KCNIP1: variants seen among roughly 807,000 people sequenced by gnomAD.
KCNIP1 encodes A-type potassium channel modulatory protein KCNIP1.
In KCNIP1, 18 loss-of-function variants were observed where a neutral mutation model predicts 33.0. That is an observed-to-expected ratio of 0.55 (90% CI 0.38 to 0.81). KCNIP1 has a LOEUF of 0.81. Ranked by LOEUF, KCNIP1 falls within the 30% of genes least tolerant of loss-of-function variation. KCNIP1 has a pLI of 0.00. For synonymous variants in KCNIP1, 93 were observed against 98.3 expected (o/e 0.95, Z 0.32); for missense variants, 238 against 271.6 (o/e 0.88, Z 0.87).
At chr5:170,554,715 G>C (rs1292380139) in intron 1 of KCNIP1, among the ~76,000 whole-genome samples, 1 of 152,178 alleles carries the variant, frequency 6.6e-6, no homozygotes, top group Non-Finnish European at 1.5e-5. Flanking sequence ...TTCTTTTTAT[G>C]CTCCATGTAA....
intron 1 of KCNIP1, among the ~76,000 whole-genome samples, chr5:170,701,175 C>T (rs1383700343): frequency 6.6e-6 from 1 of 152,208 alleles, no homozygotes; most frequent in Non-Finnish European, 1.5e-5. Flanking sequence ...AAGATATTAT[C>T]CTTATAGGCG....
chr5:170,402,372 C>T (rs144071301), intron 1 of KCNIP1, among the ~76,000 whole-genome samples: 24 of 152,160 alleles, frequency 1.6e-4, no homozygotes, highest in Middle Eastern at 3.4e-3. Flanking sequence ...GACTAACTGC[C>T]GCAACCACCC....
At chr5:170,692,294 C>G (rs915561122) in intron 1 of KCNIP1, among the ~76,000 whole-genome samples, 2 of 152,128 alleles carry the variant, frequency 1.3e-5, no homozygotes, top group Non-Finnish European at 2.9e-5. Context: ...CCTGGAAGAT[C>G]CCCTCCTCTG....
At chr5:170,472,573 C>T (rs1370270252) in intron 1 of KCNIP1, among the ~76,000 whole-genome samples, 3 of 149,030 alleles carry the variant, frequency 2.0e-5, no homozygotes, top group East Asian at 4.0e-4. Flanking sequence ...TTTTATCCCT[C>T]GCCCCCCTCC....
chr5:170,373,750 A>G lies in KCNIP1; in HGVS notation c.88+19786A>G, dbSNP rs536148817. On this transcript the variant is annotated intron_variant, in intron 1 of 7. Coordinates refer to the KCNIP1 transcript ENST00000377360. ...AGACTGTTTTAACAATGCATGTTAC[A>G]TGACCTCTGGAACATTCCATTGCAC... Among the ~76,000 whole-genome samples, 9 of 152,350 alleles carry G rather than the reference A, an allele frequency of 5.9e-5. No homozygotes were observed. In the South Asian group the frequency reaches 1.9e-3, roughly 32 times the overall value.
chr5:170,719,012 G>A lies in KCNIP1; in HGVS notation c.186+130G>A, dbSNP rs1763727406. 8.3e-6 allele frequency: 10 copies of A among 1,198,136 alleles called. No individual in the cohort carries two copies. In the South Asian group the frequency reaches 1.2e-4, roughly 14 times the overall value. The allele number at this position is 1,198,136 out of a possible 1,614,324, so 74.2% of individuals were successfully genotyped here. A position where few individuals can be genotyped will look rare whatever the true frequency, so the allele number is the denominator to read the frequency against. The stretch of plus-strand genomic sequence containing the variant: ...GTACAAGGAAGGCCAGCTCTATAAA[G>A]GGGGCATGAGAGGGAGATCACCTGG... On this transcript the variant is annotated intron_variant, in intron 2 of 7. Coordinates refer to ENST00000328939, the MANE Select transcript of KCNIP1 (RefSeq NM_014592.4).
At chr5:170,623,182 C>T (rs910218959) in intron 1 of KCNIP1, among the ~76,000 whole-genome samples, 4 of 151,590 alleles carry the variant, frequency 2.6e-5, no homozygotes, top group Admixed American at 6.6e-5. Context: ...CAGACCCATC[C>T]GTGGCCCAGG....
chr5:170,446,172 G>A (rs111699624), intron 1 of KCNIP1, among the ~76,000 whole-genome samples: 2,584 of 152,290 alleles, frequency 0.017, 30 homozygotes, highest in Middle Eastern at 0.058. Context: ...CTGGCAGCAC[G>A]GGACAGAGAA....
intron 1 of KCNIP1, among the ~76,000 whole-genome samples, chr5:170,713,209 C>T (rs1763520026): frequency 6.6e-6 from 1 of 152,250 alleles, no homozygotes; most frequent in Admixed American, 6.5e-5. Flanking sequence ...CCATGGTCTT[C>T]ACCTCCTAAT....
chr5:170,634,490 A>G (rs963751158), intron 1 of KCNIP1, among the ~76,000 whole-genome samples: 2 of 152,214 alleles, frequency 1.3e-5, no homozygotes, highest in African/African-American at 2.4e-5. Context: ...GAGTAGCACC[A>G]AAGTAGGCAA....
intron 1 of KCNIP1, among the ~76,000 whole-genome samples, chr5:170,685,229 A>G (rs1050374632): frequency 2.0e-5 from 3 of 151,780 alleles, no homozygotes; most frequent in African/African-American, 7.3e-5. Flanking sequence ...CTGTGGTCAG[A>G]AGCCTTCTCA....
chr5:170,397,702 T>TG (rs1442436329), intron 1 of KCNIP1, among the ~76,000 whole-genome samples: 1 of 152,164 alleles, frequency 6.6e-6, no homozygotes, highest in Non-Finnish European at 1.5e-5. Flanking sequence ...GTAAAATATT[T>TG]GAAGATATTT....
At chr5:170,433,790 C>T (rs1446002615) in intron 1 of KCNIP1, among the ~76,000 whole-genome samples, 4 of 152,124 alleles carry the variant, frequency 2.6e-5, no homozygotes, top group South Asian at 2.1e-4. Context: ...TAACGTTTAC[C>T]GAAACCCTTA....
chr5:170,483,920 T>G (rs1202131338), intron 1 of KCNIP1: 3 of 152,250 alleles, frequency 2.0e-5, no homozygotes, highest in Non-Finnish European at 4.4e-5. Flanking sequence ...TTAGACAGCC[T>G]GGGGGAATTG....
chr5:170,383,783 C>T lies in KCNIP1; in HGVS notation c.88+29819C>T, dbSNP rs768495295. On this transcript the variant is annotated intron_variant, in intron 1 of 7. Transcript: ENST00000377360. ...CATGGGTACTGGGGCACCTTCTTGC[C>T]CTTCAGCTCCTCCTGGTCCCTGATG... 3.1e-6 allele frequency: 5 copies of T among 1,613,946 alleles called. No individual in the cohort carries two copies. Among genetic ancestry groups the T allele is most frequent in the Non-Finnish European group, 4.2e-6 (5 of 1,179,976 alleles).
chr5:170,554,463 T>C (rs1756769226), intron 1 of KCNIP1, among the ~76,000 whole-genome samples: 1 of 152,212 alleles, frequency 6.6e-6, no homozygotes, highest in Non-Finnish European at 1.5e-5. Context: ...AGGATGGGAC[T>C]GTGTATAAAA....
At chr5:170,542,288 C>G (rs1319884948) in intron 1 of KCNIP1, among the ~76,000 whole-genome samples, 1 of 152,176 alleles carries the variant, frequency 6.6e-6, no homozygotes, top group African/African-American at 2.4e-5. Context: ...AAGTCAGACA[C>G]ACCTCAGGTG....
intron 1 of KCNIP1, among the ~76,000 whole-genome samples, chr5:170,475,995 G>A (rs960474941): frequency 1.3e-5 from 2 of 151,326 alleles, no homozygotes; most frequent in Non-Finnish European, 2.9e-5. Flanking sequence ...TTTGAAACAG[G>A]GTCTCACTCT....
intron 1 of KCNIP1, chr5:170,378,005 A>G (rs1764077297): frequency 6.6e-6 from 1 of 152,182 alleles, no homozygotes; most frequent in Non-Finnish European, 1.5e-5. Flanking sequence ...GGCATCTACC[A>G]TGGCTTTTCT....
Sources: gnomAD v4.1 joint callset for allele counts (sites outside exome capture counted in the v4.1 genomes callset) on GRCh38, gnomAD v4.1.1 for gene constraint, MANE v1.5 for transcripts, NCBI Gene and HGNC (gene_info 2026-07-23, HGNC 2026-07-21) for gene names.